The following NAV2 variants were observed in gnomAD, a reference collection of about 807,000 sequenced individuals.
NAV2 encodes the protein neuron navigator 2.
In NAV2, 54 loss-of-function variants were observed where a neutral mutation model predicts 223.2. The ratio of observed to expected loss-of-function variants is 0.24; its 90% CI spans 0.19 to 0.30. The LOEUF (loss-of-function observed/expected upper bound fraction) is 0.30. Ranked by LOEUF, NAV2 falls within the 10% of genes least tolerant of loss-of-function variation. The pLI is 1.00. For synonymous variants in NAV2, 1,279 were observed against 1,239.3 expected, an observed-to-expected ratio of 1.03 and a Z score of -0.67; for missense variants, 2,806 against 3,147.5, an observed-to-expected ratio of 0.89 and a Z score of 2.60.
intron 1 of NAV2, among the ~76,000 whole-genome samples, chr11:19,463,342 A>G (rs954053387): frequency 4.6e-5 from 7 of 152,280 alleles, no homozygotes; most frequent in East Asian, 1.9e-4. Flanking sequence ...GCAGCTCACA[A>G]TCTATTGCTA....
At chr11:19,469,576 T>C (rs2041897650) in intron 1 of NAV2, among the ~76,000 whole-genome samples, 1 of 152,160 alleles carries the variant, frequency 6.6e-6, no homozygotes, top group South Asian at 2.1e-4. Flanking sequence ...GCTCTAGCAT[T>C]CCACTGTGGT....
At chr11:19,706,643 G>A (rs529858366) in intron 1 of NAV2, among the ~76,000 whole-genome samples, 12 of 152,284 alleles carry the variant, frequency 7.9e-5, no homozygotes, top group East Asian at 3.9e-4. Context: ...CTTGAGAGCC[G>A]AGAGCAATAA....
chr11:19,445,917 T>C (rs141066114), intron 1 of NAV2, among the ~76,000 whole-genome samples: 4 of 152,308 alleles, frequency 2.6e-5, no homozygotes, highest in Non-Finnish European at 5.9e-5. Context: ...TGAGAAATAC[T>C]GAGGCAGAAA....
intron 1 of NAV2, among the ~76,000 whole-genome samples, chr11:19,472,565 C>T (rs2041996988): frequency 1.3e-5 from 2 of 152,048 alleles, no homozygotes; most frequent in African/African-American, 2.4e-5. Context: ...TGGGCAAATT[C>T]CTTAATCACT....
At chr11:19,932,522 T>C (rs1439446142) in intron 6 of NAV2, among the ~76,000 whole-genome samples, 1 of 152,222 alleles carries the variant, frequency 6.6e-6, no homozygotes, top group Admixed American at 6.5e-5. Context: ...TTTCACCATG[T>C]TGGCCAGGCT....
chr11:19,578,762 G>GT (rs1323515675), intron 1 of NAV2, among the ~76,000 whole-genome samples: 1 of 152,224 alleles, frequency 6.6e-6, no homozygotes, highest in Non-Finnish European at 1.5e-5. Flanking sequence ...ATCTATGGTT[G>GT]TTTTTTGCAC....
At chr11:19,961,789 A>G (rs1011114772) in intron 10 of NAV2, among the ~76,000 whole-genome samples, 1 of 152,082 alleles carries the variant, frequency 6.6e-6, no homozygotes, top group Non-Finnish European at 1.5e-5. Context: ...TGGAGTTACT[A>G]CATCTGCTTG....
intron 1 of NAV2, among the ~76,000 whole-genome samples, chr11:19,619,229 G>C (rs1251521478): frequency 6.7e-6 from 1 of 148,250 alleles, no homozygotes; most frequent in Non-Finnish European, 1.5e-5. Flanking sequence ...ACGTGTGCAT[G>C]TGTCTGTATA....
chr11:19,527,610 C>A (rs2043881630), intron 1 of NAV2, among the ~76,000 whole-genome samples: 1 of 151,580 alleles, frequency 6.6e-6, no homozygotes, highest in Non-Finnish European at 1.5e-5. Context: ...ATGGTAGCAC[C>A]AGCCCCACCC....
chr11:19,801,179 T>C (rs1220458907), intron 1 of NAV2, among the ~76,000 whole-genome samples: 1 of 152,216 alleles, frequency 6.6e-6, no homozygotes, highest in Non-Finnish European at 1.5e-5. Context: ...AGACAGGTCA[T>C]TTTTACTGTC....
intron 1 of NAV2, among the ~76,000 whole-genome samples, chr11:19,453,585 A>T (rs1007840237): frequency 6.6e-6 from 1 of 152,120 alleles, no homozygotes; most frequent in Non-Finnish European, 1.5e-5. Flanking sequence ...CCTGAAATGT[A>T]TGTCATCTAT....
At chr11:19,747,727 G>A (rs1053881745) in intron 1 of NAV2, among the ~76,000 whole-genome samples, 3 of 152,290 alleles carry the variant, frequency 2.0e-5, no homozygotes, top group Middle Eastern at 3.4e-3. Flanking sequence ...CTGGTTTCAA[G>A]CTATTTTGGT....
chr11:19,651,184 T>G (rs563888934), intron 1 of NAV2, among the ~76,000 whole-genome samples: 2 of 152,200 alleles, frequency 1.3e-5, no homozygotes, highest in East Asian at 3.9e-4. Context: ...TAAAAAGCCA[T>G]TAGGTTTGTA....
intron 1 of NAV2, among the ~76,000 whole-genome samples, chr11:19,366,516 G>A (rs1433341685): frequency 2.6e-5 from 4 of 152,172 alleles, no homozygotes; most frequent in Non-Finnish European, 5.9e-5. Flanking sequence ...TGGATGAGTT[G>A]AAGAAAGGCT....
intron 17 of NAV2, among the ~76,000 whole-genome samples, chr11:20,053,260 C>T (rs904000254): frequency 5.5e-5 from 8 of 145,620 alleles, no homozygotes; most frequent in Non-Finnish European, 1.0e-4. Context: ...AAATTTCACA[C>T]GCTACTTATG....
chr11:19,437,486 G>C (rs1851255248), intron 1 of NAV2, among the ~76,000 whole-genome samples: 1 of 151,612 alleles, frequency 6.6e-6, no homozygotes, highest in Non-Finnish European at 1.5e-5. Context: ...CCTTCCTTCT[G>C]TCCTCTTGTC....
chr11:19,544,467 C>A (rs960121246), intron 1 of NAV2, among the ~76,000 whole-genome samples: 3 of 152,198 alleles, frequency 2.0e-5, no homozygotes, highest in African/African-American at 7.2e-5. Context: ...GGCATCAAGG[C>A]CTGAGCTTCT....
chr11:19,383,125 A>G (rs1014395422), intron 1 of NAV2, among the ~76,000 whole-genome samples: 4 of 152,224 alleles, frequency 2.6e-5, no homozygotes, highest in Non-Finnish European at 5.9e-5. Context: ...CCTGTGACAG[A>G]CACTGCTATA....
chr11:19,878,543 G>T (rs2153083696), intron 4 of NAV2, among the ~76,000 whole-genome samples: 1 of 152,284 alleles, frequency 6.6e-6, no homozygotes, highest in South Asian at 2.1e-4. Flanking sequence ...TTTTCCAAAT[G>T]CTATGCTCCT....
Sources: gnomAD v4.1 joint callset for allele counts (sites outside exome capture counted in the v4.1 genomes callset) on GRCh38, gnomAD v4.1.1 for gene constraint, MANE v1.5 for transcripts, NCBI Gene and HGNC (gene_info 2026-07-23, HGNC 2026-07-21) for gene names.